The following RBM5 variants were observed in gnomAD, a reference collection of about 807,000 sequenced individuals.
RBM5 encodes RNA binding motif protein 5.
Under a neutral mutation model 124.6 loss-of-function variants are expected in RBM5, and 15 were observed. The observed-to-expected ratio is 0.12, with a 90% CI of 0.08 to 0.19. RBM5 has a LOEUF of 0.19. RBM5 is among the 10% of genes least tolerant of loss of function. The pLI, the probability that RBM5 is intolerant of heterozygous loss-of-function variation, is 1.00. For synonymous variants in RBM5, 337 were observed against 361.2 expected, an observed-to-expected ratio of 0.93 and a Z score of 0.76; for missense variants, 580 against 1,026.5, an observed-to-expected ratio of 0.57 and a Z score of 5.94.
chr3:50,118,265 G>A (rs2091294532), intron 24 of RBM5, 66 bp from the exon 25 acceptor site: 1 of 1,598,142 alleles, frequency 6.3e-7, no homozygotes, highest in East Asian at 2.2e-5. Context: ...GGTAAGGAGT[G>A]GGCATGGTGA....
chr3:50,110,433 C>T lies in RBM5; in HGVS notation c.1333C>T (p.Pro445Ser). 1.2e-6 allele frequency: 2 copies of T among 1,614,192 alleles called. No homozygotes were observed. Among genetic ancestry groups the T allele is most frequent in the Non-Finnish European group, 1.7e-6 (2 of 1,180,034 alleles). ...AAGTACACAGGCCCCAGCCGCTTCC[C>T]CTACTGGTGTAGTTCCTGGTACCAA... ...STSTQAPAAS[P>S]TGVVPGTKYA... Residue 445 changes from proline (P) to serine (S), a missense_variant, in exon 16 of 25, where the codon CCT becomes TCT. Pro to Ser is a moderately conservative substitution (Grantham distance 74, BLOSUM62 -1). Transcript: ENST00000347869.
chr3:50,103,602 C>T (rs1036507739), intron 7 of RBM5, among the ~76,000 whole-genome samples: 50 of 152,070 alleles, frequency 3.3e-4, no homozygotes, highest in African/African-American at 1.0e-3. Flanking sequence ...GCCAAGATCG[C>T]GCCACTGCAC....
intron 22 of RBM5, chr3:50,116,858 G>A (rs1182815874): frequency 5.5e-6 from 3 of 546,308 alleles, no homozygotes; most frequent in African/African-American, 1.9e-5. Flanking sequence ...ACATAGTTCT[G>A]CCCCTGGTTC....
In RBM5 at chr3:50,093,895, A is replaced by G. The variant is rs754787036; in HGVS notation, c.339+20A>G. The G allele has an allele frequency of 1.8e-5, 29 of 1,591,060 alleles. No individual in the cohort carries two copies. The highest frequency in any genetic ancestry group is 2.5e-5 in the Non-Finnish European group (29 of 1,161,008). On this transcript the variant is annotated intron_variant, in intron 4 of 24. Coordinates refer to ENST00000347869, the MANE Select transcript of RBM5 (RefSeq NM_005778.4). ...AGCGATGTAAGGGGAAATGACAGTT[A>G]TAACCAGCAGTCAGTAGGCACAATG...
rs370176635 is a variant in RBM5, at chr3:50,111,551, T to C, written c.1455+781T>C. ...GGCGCCCACCACACCCAGCTAATTTTTGTAGTCGAGACAGGGTTTCACCTT... is the reference window on the plus strand; with the variant it reads ...GGCGCCCACCACACCCAGCTAATTTCTGTAGTCGAGACAGGGTTTCACCTT... On this transcript the variant is annotated intron_variant, in intron 17 of 24. Coordinates refer to ENST00000347869, the MANE Select transcript of RBM5 (RefSeq NM_005778.4). Among the ~76,000 whole-genome samples, 18 of 152,276 alleles carry C rather than the reference T, an allele frequency of 1.2e-4. No individual in the cohort carries two copies. In the East Asian group the frequency reaches 2.3e-3, roughly 20 times the overall value.
chr3:50,115,868 T>G (rs770759474), intron 21 of RBM5, 38 bp from the exon 22 acceptor site: 1 of 1,549,376 alleles, frequency 6.5e-7, no homozygotes, highest in Non-Finnish European at 8.9e-7. Flanking sequence ...ATTAAGATGG[T>G]CTGAGTCCTT....
At chr3:50,116,482 C>A in intron 22 of RBM5, 1 of 168,994 alleles carries the variant, frequency 5.9e-6, no homozygotes, top group Admixed American at 5.6e-5. Context: ...GGCAGGTTGG[C>A]GGCCAGGTGG....
At chr3:50,107,420 T>C in intron 11 of RBM5, 62 bp from the exon 12 acceptor site, 1 of 1,299,514 alleles carries the variant, frequency 7.7e-7, no homozygotes, top group Non-Finnish European at 1.1e-6. Flanking sequence ...GTTGGTGGTA[T>C]AGGGGCACTA....
chr3:50,094,121 C>A, intron 4 of RBM5: 4 of 323,486 alleles, frequency 1.2e-5, no homozygotes, highest in Non-Finnish European at 1.7e-5. Flanking sequence ...ATGTCTTATA[C>A]ATGCCAAAGG....
At position 50,110,480 on chromosome 3, in the gene RBM5, G is replaced by T; in HGVS notation, c.1363+17G>T. The T allele has an allele frequency of 6.2e-7, 1 of 1,605,702 alleles. No individual in the cohort carries two copies. The highest frequency in any genetic ancestry group is 1.1e-5 in the South Asian group (1 of 90,812). On this transcript the variant is annotated intron_variant, in intron 16 of 24. Transcript: ENST00000347869. ...CCAAATATGGTAAGCCAAACCTCAT[G>T]GGGCTGTTGACAGTTGGAAGGTCTT...
chr3:50,100,443 C>A lies in RBM5; in HGVS notation c.410-89C>A. ...CTGCTTCCCAATTGGCTTTGTCACG[C>A]AGTGTTGAAGCAGTGGGAGAGAGAT... On this transcript the variant is annotated intron_variant, in intron 5 of 24. Transcript: ENST00000347869. The surrounding 1 kb of genome is among the most constrained non-coding windows in gnomAD (Gnocchi z 5.1). The A allele has an allele frequency of 1.8e-6, 2 of 1,107,144 alleles. No individual in the cohort carries two copies. The highest frequency in any genetic ancestry group is 2.7e-6 in the Non-Finnish European group (2 of 740,072). The allele number at this position is 1,107,144 out of a possible 1,614,324, so 68.6% of individuals were successfully genotyped here. A position where few individuals can be genotyped will look rare whatever the true frequency, so the allele number is the denominator to read the frequency against.
chr3:50,117,392 G>A lies in RBM5; in HGVS notation c.2322+13G>A. Reference sequence around the variant, plus strand: ...GGCTCCCATTGAGGTAAGCAGTGGGGTCAGGTCTTGATGTTTGCCAGGCTT... The same window carrying A: ...GGCTCCCATTGAGGTAAGCAGTGGGATCAGGTCTTGATGTTTGCCAGGCTT... On this transcript the variant is annotated intron_variant, in intron 24 of 24. Transcript: ENST00000347869. The surrounding 1 kb of genome is among the most constrained non-coding windows in gnomAD (Gnocchi z 4.2). The A allele has an allele frequency of 6.2e-7, 1 of 1,613,322 alleles. No homozygotes were observed. The highest frequency in any genetic ancestry group is 2.2e-5 in the East Asian group (1 of 44,882).
chr3:50,110,554 G>C, intron 16 of RBM5, 91 bp downstream of exon 16: 2 of 1,445,724 alleles, frequency 1.4e-6, no homozygotes, highest in South Asian at 2.3e-5. Flanking sequence ...GCGGGTGTCA[G>C]AGGGACACTT....
chr3:50,110,832 G>A (rs1240196196), intron 17 of RBM5, 62 bp downstream of exon 17: 4 of 1,296,788 alleles, frequency 3.1e-6, no homozygotes, highest in African/African-American at 3.0e-5. Context: ...GCATTTATGA[G>A]GCATAAAATG....
chr3:50,104,148 TC>T, intron 7 of RBM5, 99 bp from the exon 8 acceptor site: 1 of 943,152 alleles, frequency 1.1e-6, no homozygotes, highest in East Asian at 2.6e-5. Context: ...TTTCTGCTTT[TC>T]TGTTAGTTAC....
chr3:50,113,601 G>T, intron 18 of RBM5, 57 bp downstream of exon 18: 1 of 1,511,590 alleles, frequency 6.6e-7, no homozygotes, highest in Non-Finnish European at 8.9e-7. Context: ...TCTTAGTTTT[G>T]GGGTTGTAGC....
intron 10 of RBM5, among the ~76,000 whole-genome samples, chr3:50,106,411 C>T (rs1185095759): frequency 1.3e-5 from 2 of 151,778 alleles, no homozygotes; most frequent in African/African-American, 4.8e-5. Flanking sequence ...CGTGAGCCAC[C>T]GCGCCCAGCC....
intron 6 of RBM5, chr3:50,102,015 A>G (rs750914688): frequency 1.3e-5 from 2 of 152,202 alleles, no homozygotes; most frequent in Admixed American, 1.3e-4. Context: ...CGCAGAGACA[A>G]AATTCACAGC....
intron 3 of RBM5, chr3:50,093,150 A>C (rs1324801391): frequency 6.3e-6 from 1 of 159,310 alleles, no homozygotes; most frequent in Non-Finnish European, 1.4e-5. Context: ...AAAAAAAAAA[A>C]AACCAGAAGG....
Sources: allele counts gnomAD v4.1 joint callset (sites outside exome capture counted in the v4.1 genomes callset), GRCh38; gene constraint gnomAD v4.1.1; non-coding constraint Gnocchi (gnomAD v3.1); transcripts MANE v1.5; gene names NCBI Gene and HGNC (gene_info 2026-07-23, HGNC 2026-07-21).